Variants in VAC14 observed in about 807,000 individuals in gnomAD.
VAC14 encodes VAC14 component of PIKFYVE complex.
A neutral mutation model predicts 85.3 loss-of-function variants in VAC14; 47 were observed. That is an observed-to-expected ratio of 0.55 (90% CI 0.44 to 0.70). The LOEUF (loss-of-function observed/expected upper bound fraction) is 0.70. VAC14 is among the 30% of genes least tolerant of loss of function. VAC14 has a pLI of 0.00. For missense variants in VAC14, 861 were observed against 1,004.3 expected, an observed-to-expected ratio of 0.86 and a Z score of 1.93; for synonymous variants, 447 against 430.5, an observed-to-expected ratio of 1.04 and a Z score of -0.47.
intron 9 of VAC14, among the ~76,000 whole-genome samples, chr16:70,773,568 G>T (rs2033355768): frequency 6.6e-6 from 1 of 152,148 alleles, no homozygotes; most frequent in Non-Finnish European, 1.5e-5. Flanking sequence ...AGGGAAGAGG[G>T]GGCTGGCAGT....
rs1000959724 is a variant in VAC14, at chr16:70,688,442, C to G, written c.2187-352G>C. On this transcript the variant is annotated intron_variant, in intron 18 of 18. Transcript: ENST00000261776. Reference sequence around the variant, plus strand: ...GGCTAGCAGCCAGCCAGGAAGCCAGCTGGGGCCTGGAACAGGGTCTGGGGA... The same window carrying G: ...GGCTAGCAGCCAGCCAGGAAGCCAGGTGGGGCCTGGAACAGGGTCTGGGGA... 8 of 1,003,448 alleles carry G rather than the reference C, an allele frequency of 8.0e-6. No homozygotes were observed. The African/African-American group carries it at 1.4e-4, about 17-fold the overall frequency. 62.2% of individuals were successfully genotyped at this position (1,003,448 alleles called of 1,614,324 possible). A position where few individuals can be genotyped will look rare whatever the true frequency, so the allele number is the denominator to read the frequency against.
chr16:70,704,850 A>AGCTGACT (rs1336467842), intron 14 of VAC14, among the ~76,000 whole-genome samples: 3 of 152,110 alleles, frequency 2.0e-5, no homozygotes, highest in African/African-American at 7.2e-5. Flanking sequence ...CCTTGTGGGG[A>AGCTGACT]GCTGACATTC....
At chr16:70,709,844 C>T (rs2053993318) in intron 14 of VAC14, among the ~76,000 whole-genome samples, 1 of 152,206 alleles carries the variant, frequency 6.6e-6, no homozygotes, top group Non-Finnish European at 1.5e-5. Context: ...GATACATTCC[C>T]TGGCTGACAC....
intron 14 of VAC14, among the ~76,000 whole-genome samples, chr16:70,700,427 C>A (rs1431162138): frequency 2.6e-5 from 4 of 152,252 alleles, no homozygotes; most frequent in Non-Finnish European, 5.9e-5. Flanking sequence ...AGGCCTCCGC[C>A]TGGTGTCCCC....
In VAC14 at chr16:70,772,188, G is replaced by A; in HGVS notation, c.1097-16C>T. On this transcript the variant is annotated splice_polypyrimidine_tract_variant and intron_variant, in intron 9 of 18. Coordinates refer to ENST00000261776, the MANE Select transcript of VAC14 (RefSeq NM_018052.5). ...TCTGGACCTCCTGGGAGAGGAAGAG[G>A]AACAAGGGGTCATGAAAGGCTGTTG... 1 of 1,612,838 alleles carries A rather than the reference G, an allele frequency of 6.2e-7. No homozygotes were observed. Among genetic ancestry groups the A allele is most frequent in the Non-Finnish European group, 8.5e-7 (1 of 1,179,006 alleles).
chr16:70,753,419 G>A (rs74835289), intron 12 of VAC14, among the ~76,000 whole-genome samples: 19 of 152,314 alleles, frequency 1.2e-4, no homozygotes, highest in African/African-American at 4.6e-4. Flanking sequence ...GCCATCTCCA[G>A]AGGAGGAAAA....
intron 10 of VAC14, chr16:70,769,009 T>G (rs867730055): frequency 1.1e-5 from 3 of 277,148 alleles, no homozygotes; most frequent in South Asian, 5.9e-5. Flanking sequence ...AGAGATGGGG[T>G]TTCACCATGT....
At chr16:70,760,962 G>GGGGGGT (rs1402592187) in intron 12 of VAC14, among the ~76,000 whole-genome samples, 1 of 47,602 alleles carries the variant, frequency 2.1e-5, no homozygotes, top group East Asian at 7.3e-4. Flanking sequence ...ACGAAGAGAG[G>GGGGGGT]GTGTGTGTGT....
chr16:70,692,479 G>A (rs570555057), intron 18 of VAC14, among the ~76,000 whole-genome samples: 5 of 152,244 alleles, frequency 3.3e-5, no homozygotes, highest in East Asian at 1.9e-4. Context: ...CCCCCTGCCC[G>A]GTGTTTCTCT....
At chr16:70,768,964 C>T in intron 10 of VAC14, 3 of 256,794 alleles carry the variant, frequency 1.2e-5, no homozygotes, top group South Asian at 3.3e-5. Context: ...CCACGCCTGG[C>T]TATTTTTTTT....
intron 12 of VAC14, among the ~76,000 whole-genome samples, chr16:70,752,002 C>T (rs903396854): frequency 2.0e-4 from 30 of 152,194 alleles, no homozygotes; most frequent in Non-Finnish European, 8.8e-5. Flanking sequence ...ACTACTTAGG[C>T]CTAGACCCAT....
chr16:70,786,571 G>A (rs957425929), intron 1 of VAC14: 1 of 610,758 alleles, frequency 1.6e-6, no homozygotes. Flanking sequence ...GTGTACAATG[G>A]AATAAGGAAC....
Position 70,800,929 on chromosome 16 carries a change from CT to C in VAC14, c.-30del. 6.5e-7 allele frequency: 1 copy of C among 1,527,154 alleles called. No homozygotes were observed. 94.6% of individuals were successfully genotyped at this position (1,527,154 alleles called of 1,614,324 possible). A position where few individuals can be genotyped will look rare whatever the true frequency, so the allele number is the denominator to read the frequency against. ...GGCAGCTGGGGGAACCTCGCGACTC[CT>C]TAGCCCGCGGCTGCCGGGGCCGCGC... On this transcript the variant is annotated 5_prime_UTR_variant, in exon 1 of 19. An upstream open reading frame in the 5' UTR loses its in-frame stop. Transcript: ENST00000261776.
chr16:70,779,165 G>A (rs975713810), intron 9 of VAC14: 1 of 152,264 alleles, frequency 6.6e-6, no homozygotes, highest in African/African-American at 2.4e-5. Flanking sequence ...TCACAGTGGT[G>A]ATGGCACAGC....
intron 12 of VAC14, among the ~76,000 whole-genome samples, chr16:70,758,425 TGTTCACGTTCACTCAC>T (rs929253423): frequency 3.3e-5 from 5 of 152,162 alleles, no homozygotes; most frequent in African/African-American, 1.2e-4. Flanking sequence ...CTGTCTGGGA[TGTTCACGTTCACTCAC>T]AGGGGAATAG....
At chr16:70,772,270 C>G (rs1336728288) in intron 9 of VAC14, 98 bp from the exon 10 acceptor site, 1 of 1,038,920 alleles carries the variant, frequency 9.6e-7, no homozygotes, top group Non-Finnish European at 1.5e-6. Flanking sequence ...CTCCAGAGCC[C>G]CATACCTTGA....
intron 13 of VAC14, among the ~76,000 whole-genome samples, chr16:70,741,280 A>G (rs1225651353): frequency 1.3e-5 from 2 of 152,228 alleles, no homozygotes; most frequent in Non-Finnish European, 2.9e-5. Context: ...GCAGTCTGGG[A>G]AGGAGCAGCT....
intron 8 of VAC14, 55 bp from the exon 9 acceptor site, chr16:70,780,994 T>C: frequency 2.5e-6 from 4 of 1,604,010 alleles, no homozygotes; most frequent in South Asian, 1.1e-5. Context: ...TCTCTCTAAA[T>C]CTCTTGCTGA....
intron 14 of VAC14, among the ~76,000 whole-genome samples, chr16:70,711,273 G>T (rs2054027961): frequency 6.6e-6 from 1 of 152,168 alleles, no homozygotes; most frequent in Non-Finnish European, 1.5e-5. Context: ...GCCTCACCAG[G>T]CCTGATCGCT....
Sources: gnomAD v4.1 joint callset for allele counts (sites outside exome capture counted in the v4.1 genomes callset) on GRCh38, gnomAD v4.1.1 for gene constraint, MANE v1.5 for transcripts, NCBI Gene and HGNC (gene_info 2026-07-23, HGNC 2026-07-21) for gene names.